The following CDH18 variants were observed in gnomAD, a reference collection of about 807,000 sequenced individuals.
The protein encoded by CDH18 is cadherin 18.
A neutral mutation model predicts 67.9 loss-of-function variants in CDH18; 31 were observed. The ratio of observed to expected loss-of-function variants is 0.46; its 90% CI spans 0.34 to 0.62. The LOEUF (loss-of-function observed/expected upper bound fraction) is 0.62. Among genes scored for constraint, CDH18 ranks in the 20% least tolerant of loss-of-function variants. The pLI is 0.01. For synonymous variants in CDH18, 362 were observed against 347.2 expected (o/e 1.04, Z -0.48); for missense variants, 890 against 975.5 (o/e 0.91, Z 1.17).
chr5:19,848,121 A>G (rs1477741156), intron 2 of CDH18: 2 of 152,228 alleles, frequency 1.3e-5, no homozygotes, highest in Non-Finnish European at 2.9e-5. Context: ...TCTGTGGCAC[A>G]AGTCTTCTGG....
chr5:20,438,858 A>G (rs1749379993), intron 1 of CDH18, among the ~76,000 whole-genome samples: 1 of 151,460 alleles, frequency 6.6e-6, no homozygotes, highest in Non-Finnish European at 1.5e-5. Flanking sequence ...CTAGACCTCC[A>G]CTATGTTAGG....
intron 2 of CDH18, among the ~76,000 whole-genome samples, chr5:20,054,364 T>C (rs796566499): frequency 4.5e-4 from 69 of 152,326 alleles, no homozygotes; most frequent in African/African-American, 1.5e-3. Context: ...TATTATCTTT[T>C]AATGTATTTT....
chr5:20,231,533 A>C (rs1200872242), intron 2 of CDH18, among the ~76,000 whole-genome samples: 1 of 152,042 alleles, frequency 6.6e-6, no homozygotes, highest in Non-Finnish European at 1.5e-5. Context: ...CGGGAGGCGG[A>C]GGTTGCAGTG....
At chr5:19,849,834 C>A (rs1027097274) in intron 2 of CDH18, among the ~76,000 whole-genome samples, 3 of 149,874 alleles carry the variant, frequency 2.0e-5, no homozygotes, top group African/African-American at 7.4e-5. Flanking sequence ...ACTCTATATT[C>A]CATATACTCC....
intron 5 of CDH18, among the ~76,000 whole-genome samples, chr5:19,674,095 G>GA (rs1252513334): frequency 6.6e-6 from 1 of 151,904 alleles, no homozygotes; most frequent in East Asian, 1.9e-4. Flanking sequence ...GGTAGCAATA[G>GA]AAAAAACAAT....
chr5:20,080,846 C>A (rs530190074), intron 2 of CDH18, among the ~76,000 whole-genome samples: 57 of 152,096 alleles, frequency 3.7e-4, no homozygotes, highest in African/African-American at 1.4e-3. Flanking sequence ...ATAATTAATA[C>A]CCTGAGTTGT....
chr5:19,537,934 A>G (rs80321433), intron 9 of CDH18, among the ~76,000 whole-genome samples: 1 of 152,322 alleles, frequency 6.6e-6, no homozygotes, highest in East Asian at 1.9e-4. Context: ...TAGCTAAAAT[A>G]CAGAAAATTT....
At position 19,552,409 on chromosome 5, in the gene CDH18, GA is replaced by G. The variant is rs570626708; in HGVS notation, c.1254-8405del. On this transcript the variant is annotated intron_variant, in intron 8 of 12. Transcript: ENST00000382275. Reference sequence around the variant, plus strand: ...CTTTTAGACTTCAGTTTAAATCTAAGAAAAAAAGCAAAGCAACTACTTTGTG... The same window carrying G: ...CTTTTAGACTTCAGTTTAAATCTAAGAAAAAAGCAAAGCAACTACTTTGTG... Among the ~76,000 whole-genome samples, 13 of 152,004 alleles carry G rather than the reference GA, an allele frequency of 8.6e-5. No homozygotes were observed. The East Asian group carries it at 2.3e-3, about 27-fold the overall frequency.
At chr5:19,604,144 T>A (rs1168397144) in intron 6 of CDH18, among the ~76,000 whole-genome samples, 1 of 152,024 alleles carries the variant, frequency 6.6e-6, no homozygotes, top group Non-Finnish European at 1.5e-5. Context: ...CTGAGGCTTG[T>A]CCCTTTTAAT....
intron 2 of CDH18, among the ~76,000 whole-genome samples, chr5:19,886,785 G>T (rs779457769): frequency 1.5e-4 from 23 of 152,048 alleles, no homozygotes; most frequent in Non-Finnish European, 2.6e-4. Flanking sequence ...TTTGTTCACT[G>T]GTTTTCAACA....
chr5:19,603,204 C>T (rs1580440287), intron 6 of CDH18, among the ~76,000 whole-genome samples: 1 of 152,086 alleles, frequency 6.6e-6, no homozygotes, highest in East Asian at 1.9e-4. Context: ...AAATTTGATA[C>T]ATCTTACAGC....
chr5:19,572,596 C>T (rs942353872), intron 7 of CDH18, among the ~76,000 whole-genome samples: 2 of 152,236 alleles, frequency 1.3e-5, no homozygotes, highest in Admixed American at 1.3e-4. Context: ...GGTAGGCATC[C>T]TCTTTCTGGT....
chr5:20,152,503 T>C (rs1751204244), intron 2 of CDH18, among the ~76,000 whole-genome samples: 1 of 151,764 alleles, frequency 6.6e-6, no homozygotes, highest in South Asian at 2.1e-4. Flanking sequence ...GCAGAGTGGG[T>C]ATTACATTTT....
chr5:20,434,093 C>A (rs997984583), intron 1 of CDH18, among the ~76,000 whole-genome samples: 1 of 151,980 alleles, frequency 6.6e-6, no homozygotes, highest in Admixed American at 6.6e-5. Context: ...GTGCCTTAGG[C>A]CTGCAAACCC....
chr5:19,897,815 T>A (rs986355638), intron 2 of CDH18, among the ~76,000 whole-genome samples: 1 of 152,138 alleles, frequency 6.6e-6, no homozygotes, highest in Non-Finnish European at 1.5e-5. Flanking sequence ...TGAACAAGAC[T>A]ATTTATTTGA....
intron 2 of CDH18, among the ~76,000 whole-genome samples, chr5:20,209,583 T>C (rs936476141): frequency 6.8e-6 from 1 of 146,674 alleles, no homozygotes; most frequent in African/African-American, 2.7e-5. Context: ...AACATGGTTA[T>C]CAGAGTCTGG....
Position 20,426,659 on chromosome 5 carries a change from T to C in CDH18, c.-580+148803A>G, listed in dbSNP as rs556514563. On this transcript the variant is annotated intron_variant, in intron 1 of 14. Transcript: ENST00000507958. ...CCCGTCAGAGTCCTAGGCACATTCA[T>C]AGGAAATCTACCAACTGCTGTACAT... 6.5e-4 allele frequency among the ~76,000 whole-genome samples: 99 copies of C among 151,220 alleles called. 4 individuals carry two copies. Among genetic ancestry groups the C allele is most frequent in the Non-Finnish European group, 1.2e-3 (84 of 68,006 alleles).
intron 1 of CDH18, among the ~76,000 whole-genome samples, chr5:20,505,482 A>G (rs771872078): frequency 3.0e-4 from 46 of 152,202 alleles, no homozygotes; most frequent in Admixed American, 1.4e-3. Flanking sequence ...TTAAGAACTA[A>G]TATTTCATAA....
At chr5:19,999,237 C>T (rs570849769) in intron 2 of CDH18, among the ~76,000 whole-genome samples, 86 of 152,044 alleles carry the variant, frequency 5.7e-4, no homozygotes, top group African/African-American at 1.8e-3. Context: ...CACACACACA[C>T]GCACACACAC....
Sources: allele counts gnomAD v4.1 joint callset (sites outside exome capture counted in the v4.1 genomes callset), GRCh38; gene constraint gnomAD v4.1.1; transcripts MANE v1.5; gene names NCBI Gene and HGNC (gene_info 2026-07-23, HGNC 2026-07-21).